The following JAKMIP1 variants were observed in gnomAD, a reference collection of about 807,000 sequenced individuals.
JAKMIP1 encodes the protein janus kinase and microtubule interacting protein 1, also known as janus kinase and microtubule-interacting protein 1.
JAKMIP1 carries 33 observed loss-of-function variants against 113.0 expected under a neutral mutation model. That is an observed-to-expected ratio of 0.29 (90% CI 0.22 to 0.39). The LOEUF (loss-of-function observed/expected upper bound fraction) is 0.39. JAKMIP1 is among the 10% of genes least tolerant of loss of function. The pLI is 1.00. For synonymous variants in JAKMIP1, 480 were observed against 459.9 expected, an observed-to-expected ratio of 1.04 and a Z score of -0.56; for missense variants, 813 against 1,080.5, an observed-to-expected ratio of 0.75 and a Z score of 3.47.
intron 1 of JAKMIP1, among the ~76,000 whole-genome samples, chr4:6,125,619 TACAG>T (rs1315329918): frequency 7.7e-5 from 6 of 78,034 alleles, no homozygotes; most frequent in Admixed American, 2.8e-4. Flanking sequence ...ACACACACCA[TACAG>T]AAACACACAC....
intron 1 of JAKMIP1, among the ~76,000 whole-genome samples, chr4:6,149,559 G>T (rs1721306349): frequency 6.6e-6 from 1 of 152,182 alleles, no homozygotes. Flanking sequence ...TACACACGTG[G>T]TCAAGATAGA....
Position 6,140,576 on chromosome 4 carries a change from T to C in JAKMIP1, c.-147-27579A>G, listed in dbSNP as rs1719992817. Among the ~76,000 whole-genome samples, 2 of 152,182 alleles carry C rather than the reference T, an allele frequency of 1.3e-5. No homozygotes were observed. Among genetic ancestry groups the C allele is most frequent in the Non-Finnish European group, 2.9e-5 (2 of 68,008 alleles). On this transcript the variant is annotated intron_variant, in intron 1 of 20. Transcript: ENST00000409021. The surrounding 1 kb of genome is among the most constrained non-coding windows in gnomAD (Gnocchi z 9.4). ...AAGTCGGCCCGCTAGGTGACAGTGGTTCACAGCGTAAGGACCTCTGTCCCC... is the reference window on the plus strand; with the variant it reads ...AAGTCGGCCCGCTAGGTGACAGTGGCTCACAGCGTAAGGACCTCTGTCCCC...
intron 1 of JAKMIP1, among the ~76,000 whole-genome samples, chr4:6,122,969 G>A (rs911586859): frequency 6.6e-6 from 1 of 152,130 alleles, no homozygotes; most frequent in Non-Finnish European, 1.5e-5. Context: ...TTCAGAACAG[G>A]GACCAGACCG....
chr4:6,111,437 G>A (rs1714915415), intron 2 of JAKMIP1, among the ~76,000 whole-genome samples: 1 of 152,208 alleles, frequency 6.6e-6, no homozygotes, highest in Non-Finnish European at 1.5e-5. Context: ...GCCCACCCAA[G>A]TCAGAAGCAG....
chr4:6,108,460 G>A lies in JAKMIP1; in HGVS notation c.130-2493C>T, dbSNP rs955774560. Among the ~76,000 whole-genome samples the A allele has an allele frequency of 6.6e-6, 1 of 152,146 alleles. No homozygotes were observed. The highest frequency in any genetic ancestry group is 1.5e-5 in the Non-Finnish European group (1 of 68,022). On this transcript the variant is annotated intron_variant, in intron 2 of 20. Coordinates refer to ENST00000409021, the MANE Select transcript of JAKMIP1 (RefSeq NM_001099433.2). This position sits in a 1 kb window ranked among gnomAD's most constrained non-coding sequence, Gnocchi z 5.6. The stretch of plus-strand genomic sequence containing the variant: ...GGGAGCATGCCCTGGGGGTGTGGGG[G>A]CTGGCGTGGAGAAATTATCTGAACC...
chr4:6,030,803 T>G (rs1712535843), intron 19 of JAKMIP1, among the ~76,000 whole-genome samples: 1 of 152,232 alleles, frequency 6.6e-6, no homozygotes, highest in South Asian at 2.1e-4. Flanking sequence ...TTCTCCAGCC[T>G]GTGTCAGCAT....
In JAKMIP1 at chr4:6,108,072, G is replaced by T. The variant is rs1476076878; in HGVS notation, c.130-2105C>A. ...CGGGGCGTCTAGGGGCTGCTTCCTG[G>T]GAGGGGCAGAGGTGCTGCTGAGGCT... On this transcript the variant is annotated intron_variant, in intron 2 of 20. Coordinates refer to ENST00000409021, the MANE Select transcript of JAKMIP1 (RefSeq NM_001099433.2). The surrounding 1 kb of genome is among the most constrained non-coding windows in gnomAD (Gnocchi z 5.6). Among the ~76,000 whole-genome samples the T allele has an allele frequency of 6.6e-6, 1 of 152,174 alleles. No homozygotes were observed. Among genetic ancestry groups the T allele is most frequent in the African/African-American group, 2.4e-5 (1 of 41,448 alleles).
rs539575606 is a variant in JAKMIP1, at chr4:6,049,052, G to A, written c.1963-130C>T. The A allele has an allele frequency of 1.0e-5, 7 of 702,820 alleles. No individual in the cohort carries two copies. The highest frequency in any genetic ancestry group is 1.7e-5 in the Non-Finnish European group (7 of 405,748). 43.5% of individuals were successfully genotyped at this position (702,820 alleles called of 1,614,324 possible). The stretch of plus-strand genomic sequence containing the variant: ...TATTATGTTTGTTTGTTTTGAGACG[G>A]AGTCTCTCTCTGTCACCTGGGTTTG... On this transcript the variant is annotated intron_variant, in intron 15 of 20. Coordinates refer to ENST00000409021, the MANE Select transcript of JAKMIP1 (RefSeq NM_001099433.2). The surrounding 1 kb of genome is among the most constrained non-coding windows in gnomAD (Gnocchi z 7.0).
chr4:6,144,208 T>G (rs1470331993), intron 1 of JAKMIP1, among the ~76,000 whole-genome samples: 1 of 152,242 alleles, frequency 6.6e-6, no homozygotes, highest in Admixed American at 6.5e-5. Context: ...AAAACTGTAA[T>G]GCCACAACAA....
Position 6,142,936 on chromosome 4 carries a change from G to C in JAKMIP1, c.-147-29939C>G, listed in dbSNP as rs182114054. The stretch of plus-strand genomic sequence containing the variant: ...TCCTGAGGCCCCTCAGTCCAGCACT[G>C]TGTGTGTGTGTGTTTGTGGCCTCTC... On this transcript the variant is annotated intron_variant, in intron 1 of 20. Transcript: ENST00000409021. The surrounding 1 kb of genome is among the most constrained non-coding windows in gnomAD (Gnocchi z 5.5). Among the ~76,000 whole-genome samples, 670 of 151,914 alleles carry C rather than the reference G, an allele frequency of 4.4e-3. 4 individuals carry two copies. Among genetic ancestry groups the C allele is most frequent in the African/African-American group, 0.015 (632 of 41,476 alleles).
At position 6,088,453 on chromosome 4, in the gene JAKMIP1, G is replaced by A. The variant is rs1217858758; in HGVS notation, c.625-2824C>T. On this transcript the variant is annotated intron_variant, in intron 3 of 20. Coordinates refer to ENST00000409021, the MANE Select transcript of JAKMIP1 (RefSeq NM_001099433.2). The surrounding 1 kb of genome is among the most constrained non-coding windows in gnomAD (Gnocchi z 5.5). ...GCTCCCCACAAAAGACAGCACCGTC[G>A]CGAGCAAGACATCTCCAGGATCCCA... 6.6e-6 allele frequency among the ~76,000 whole-genome samples: 1 copy of A among 152,128 alleles called. No homozygotes were observed. The highest frequency in any genetic ancestry group is 2.4e-5 in the African/African-American group (1 of 41,434).
intron 1 of JAKMIP1, among the ~76,000 whole-genome samples, chr4:6,198,881 G>C (rs1324256722): frequency 6.6e-6 from 1 of 152,234 alleles, no homozygotes; most frequent in Non-Finnish European, 1.5e-5. Flanking sequence ...CTCCACACCA[G>C]CGGGTTACTC....
intron 8 of JAKMIP1, among the ~76,000 whole-genome samples, chr4:6,072,997 C>T (rs1242484507): frequency 6.6e-6 from 1 of 151,642 alleles, no homozygotes; most frequent in African/African-American, 2.4e-5. Context: ...TTGGTTGAAC[C>T]CGGGAGGCGG....
chr4:6,170,151 A>ACAC (rs553153646), intron 1 of JAKMIP1, among the ~76,000 whole-genome samples: 1 of 121,892 alleles, frequency 8.2e-6, no homozygotes, highest in Non-Finnish European at 1.8e-5. Flanking sequence ...TCCATCACCA[A>ACAC]CACCACCACC....
Position 6,140,376 on chromosome 4 carries a change from G to A in JAKMIP1, c.-147-27379C>T, listed in dbSNP as rs1448866559. 6.6e-6 allele frequency among the ~76,000 whole-genome samples: 1 copy of A among 151,844 alleles called. No homozygotes were observed. Among genetic ancestry groups the A allele is most frequent in the Non-Finnish European group, 1.5e-5 (1 of 68,010 alleles). ...ATAAATCCCCCCACGTGGCGAGGCTGGCTCAGCAGGAGCACTGTCCCTGTT... is the reference window on the plus strand; with the variant it reads ...ATAAATCCCCCCACGTGGCGAGGCTAGCTCAGCAGGAGCACTGTCCCTGTT... On this transcript the variant is annotated intron_variant, in intron 1 of 20. Transcript: ENST00000409021. This position sits in a 1 kb window ranked among gnomAD's most constrained non-coding sequence, Gnocchi z 9.4.
intron 19 of JAKMIP1, among the ~76,000 whole-genome samples, chr4:6,033,859 T>C (rs1206500825): frequency 1.3e-5 from 2 of 152,216 alleles, no homozygotes; most frequent in Non-Finnish European, 2.9e-5. Flanking sequence ...TATCAAATGA[T>C]AGCAACTAGC....
chr4:6,131,659 G>T (rs1230361492), intron 1 of JAKMIP1, among the ~76,000 whole-genome samples: 1 of 152,198 alleles, frequency 6.6e-6, no homozygotes, highest in Non-Finnish European at 1.5e-5. Flanking sequence ...GAACCCAGGG[G>T]ACAGGGGTTA....
intron 1 of JAKMIP1, among the ~76,000 whole-genome samples, chr4:6,119,999 T>C (rs1716464970): frequency 6.6e-6 from 1 of 152,048 alleles, no homozygotes; most frequent in South Asian, 2.1e-4. Flanking sequence ...CCAAATAATA[T>C]CTGATAAGCA....
intron 1 of JAKMIP1, among the ~76,000 whole-genome samples, chr4:6,160,453 A>G (rs1418459741): frequency 6.6e-6 from 1 of 152,228 alleles, no homozygotes; most frequent in African/African-American, 2.4e-5. Flanking sequence ...TATTAAGGAC[A>G]CAGAAGAAAA....
Sources: allele counts gnomAD v4.1 joint callset (sites outside exome capture counted in the v4.1 genomes callset), GRCh38; gene constraint gnomAD v4.1.1; non-coding constraint Gnocchi (gnomAD v3.1); transcripts MANE v1.5; gene names NCBI Gene and HGNC (gene_info 2026-07-23, HGNC 2026-07-21).